Variants in GNG12 observed in about 807,000 individuals in gnomAD.
GNG12 encodes the protein guanine nucleotide-binding protein G(I)/G(S)/G(O) subunit gamma-12.
For missense variants in GNG12, 69 were observed against 83.8 expected, an observed-to-expected ratio of 0.82 and a Z score of 0.69; for synonymous variants, 28 against 29.7, an observed-to-expected ratio of 0.94 and a Z score of 0.19.
intron 1 of GNG12, among the ~76,000 whole-genome samples, chr1:67,795,711 T>C (rs1288364253): frequency 6.6e-6 from 1 of 152,146 alleles, no homozygotes; most frequent in Non-Finnish European, 1.5e-5. Context: ...ACAACCCAAA[T>C]ATCCAGTATT....
chr1:67,771,827 T>C (rs151214292), intron 2 of GNG12, among the ~76,000 whole-genome samples: 111 of 152,312 alleles, frequency 7.3e-4, no homozygotes, highest in African/African-American at 2.5e-3. Flanking sequence ...AGAGAATGCA[T>C]GTAAAGCACT....
intron 2 of GNG12, among the ~76,000 whole-genome samples, chr1:67,761,955 A>G (rs1262675349): frequency 2.0e-5 from 3 of 152,176 alleles, no homozygotes; most frequent in Non-Finnish European, 4.4e-5. Context: ...ACACCCAGGA[A>G]AGCAGACCCA....
intron 1 of GNG12, among the ~76,000 whole-genome samples, chr1:67,786,959 GTGTGTGTGTGTGTGTGTGTGTGTGTGTA>G (rs1335265218): frequency 1.4e-5 from 2 of 147,256 alleles, no homozygotes; most frequent in African/African-American, 5.2e-5. Flanking sequence ...GTGTGTGTGT[GTGTGTGTGTGTGTGTGTGTGTGTGTGTA>G]TGTATATATA....
At position 67,793,392 on chromosome 1, in the gene GNG12, T is replaced by A. The variant is rs546658887; in HGVS notation, c.-76-15885A>T. Among the ~76,000 whole-genome samples, 169 of 152,354 alleles carry A rather than the reference T, an allele frequency of 1.1e-3. 2 individuals are homozygous for A. Among genetic ancestry groups the A allele is most frequent in the South Asian group, 8.7e-3 (42 of 4,828 alleles). On this transcript the variant is annotated intron_variant, in intron 1 of 3. Coordinates refer to ENST00000370982, the MANE Select transcript of GNG12 (RefSeq NM_018841.6). ...GAACTTTGATTTCCATGTATTTCTT[T>A]AAAGCTTAAAAATTTTGATCTTTGT...
chr1:67,753,099 C>G (rs1023159642), intron 2 of GNG12, among the ~76,000 whole-genome samples: 1 of 152,222 alleles, frequency 6.6e-6, no homozygotes, highest in South Asian at 2.1e-4. Context: ...CCATGTCTTA[C>G]TTAACCTTTC....
chr1:67,807,250 C>T (rs1364127459), intron 1 of GNG12, among the ~76,000 whole-genome samples: 2 of 151,870 alleles, frequency 1.3e-5, no homozygotes, highest in Non-Finnish European at 2.9e-5. Flanking sequence ...AATGAAAATA[C>T]ACCTAATCAA....
At chr1:67,711,906 T>C (rs1304602755) in intron 2 of GNG12, among the ~76,000 whole-genome samples, 1 of 152,246 alleles carries the variant, frequency 6.6e-6, no homozygotes, top group Non-Finnish European at 1.5e-5. Flanking sequence ...ATTCTTCCTA[T>C]GGAGAAAGCA....
rs568987513 is a variant in GNG12 at position 67,833,371 on chromosome 1, C to A, written c.-104G>T. On this transcript the variant is annotated 5_prime_UTR_variant, in exon 1 of 4. Coordinates refer to ENST00000370982, the MANE Select transcript of GNG12 (RefSeq NM_018841.6). ...GCCTGCCGGTGCGCTGCCCCGCCGT[C>A]GCCGCCGGGACTCGGTCTCTAAGGG... The A allele has an allele frequency of 3.5e-3, 3,465 of 985,484 alleles. 92 individuals are homozygous for A. In the African/African-American group the frequency reaches 0.056, roughly 16 times the overall value. 61.0% of individuals were successfully genotyped at this position (985,484 alleles called of 1,614,324 possible).
intron 1 of GNG12, among the ~76,000 whole-genome samples, chr1:67,800,955 A>G (rs1009672586): frequency 1.3e-5 from 2 of 152,130 alleles, no homozygotes; most frequent in African/African-American, 2.4e-5. Context: ...ATGTAACTTC[A>G]TATTATGGAG....
intron 2 of GNG12, among the ~76,000 whole-genome samples, chr1:67,725,035 T>C (rs916834221): frequency 6.6e-6 from 1 of 152,194 alleles, no homozygotes; most frequent in African/African-American, 2.4e-5. Context: ...ATCTAACAAG[T>C]ATGTCCAATG....
At chr1:67,746,014 T>C (rs1308024587) in intron 2 of GNG12, among the ~76,000 whole-genome samples, 1 of 152,226 alleles carries the variant, frequency 6.6e-6, no homozygotes, top group African/African-American at 2.4e-5. Flanking sequence ...CAAACAAACT[T>C]ACCTAAAGAT....
intron 1 of GNG12, among the ~76,000 whole-genome samples, chr1:67,786,127 T>C (rs540136700): frequency 2.6e-5 from 4 of 152,344 alleles, no homozygotes; most frequent in South Asian, 2.1e-4. Flanking sequence ...TAATACAGTA[T>C]AGCCTGTGAG....
intron 2 of GNG12, among the ~76,000 whole-genome samples, chr1:67,747,182 C>T (rs978052185): frequency 1.3e-5 from 2 of 152,182 alleles, no homozygotes; most frequent in African/African-American, 2.4e-5. Flanking sequence ...TGCAATGGTG[C>T]GGTCTCAGCT....
chr1:67,815,523 T>A (rs973000452), intron 1 of GNG12, among the ~76,000 whole-genome samples: 1 of 152,146 alleles, frequency 6.6e-6, no homozygotes, highest in African/African-American at 2.4e-5. Flanking sequence ...GTGGCCCTCA[T>A]CCCCAGAGTG....
chr1:67,725,934 CAACAA>C (rs1372926895), intron 2 of GNG12, among the ~76,000 whole-genome samples: 1 of 152,140 alleles, frequency 6.6e-6, no homozygotes, highest in African/African-American at 2.4e-5. Flanking sequence ...GCATCACTTA[CAACAA>C]ATGAAAAGAT....
At chr1:67,766,143 C>T (rs1330334103) in intron 2 of GNG12, among the ~76,000 whole-genome samples, 3 of 125,640 alleles carry the variant, frequency 2.4e-5, no homozygotes, top group African/African-American at 9.8e-5. Context: ...CACACACACA[C>T]ACACACCCCT....
intron 2 of GNG12, among the ~76,000 whole-genome samples, chr1:67,712,437 T>C (rs1322267389): frequency 6.6e-6 from 1 of 152,150 alleles, no homozygotes; most frequent in Non-Finnish European, 1.5e-5. Flanking sequence ...ACACCTGCAA[T>C]CCCAACACTT....
intron 2 of GNG12, among the ~76,000 whole-genome samples, chr1:67,726,416 T>C (rs1234936942): frequency 6.6e-6 from 1 of 152,236 alleles, no homozygotes; most frequent in African/African-American, 2.4e-5. Context: ...TTCTTTTTCA[T>C]AATTCAGGAA....
At chr1:67,785,873 T>C (rs1470867427) in intron 1 of GNG12, among the ~76,000 whole-genome samples, 15 of 152,194 alleles carry the variant, frequency 9.9e-5, no homozygotes, top group Non-Finnish European at 4.4e-5. Context: ...ACTATATCTG[T>C]GATGCTTTTA....
Sources: allele counts gnomAD v4.1 joint callset (sites outside exome capture counted in the v4.1 genomes callset), GRCh38; gene constraint gnomAD v4.1.1; transcripts MANE v1.5; gene names NCBI Gene and HGNC (gene_info 2026-07-23, HGNC 2026-07-21).